CDH18: variants seen among roughly 807,000 people sequenced by gnomAD.
The protein encoded by CDH18 is cadherin 18.
Under a neutral mutation model 67.9 loss-of-function variants are expected in CDH18, and 31 were observed. That is an observed-to-expected ratio of 0.46 (90% CI 0.34 to 0.62). The LOEUF is 0.62. Among genes scored for constraint, CDH18 ranks in the 20% least tolerant of loss-of-function variants. CDH18 has a pLI of 0.01. For missense variants in CDH18, 890 were observed against 975.5 expected, an observed-to-expected ratio of 0.91 and a Z score of 1.17; for synonymous variants, 362 against 347.2, an observed-to-expected ratio of 1.04 and a Z score of -0.48.
rs60246535 is a variant in CDH18, at chr5:20,329,768, C to CAAAAA, written c.-579-74268_-579-74264dup. Among the ~76,000 whole-genome samples, 45 of 62,548 alleles carry CAAAAA rather than the reference C, an allele frequency of 7.2e-4. 2 individuals carry two copies. The highest frequency in any genetic ancestry group is 1.7e-3 in the African/African-American group (27 of 16,104). The allele number at this position is 62,548 out of a possible 152,430, so 41.0% of individuals were successfully genotyped here. On this transcript the variant is annotated intron_variant, in intron 1 of 14. Coordinates refer to the CDH18 transcript ENST00000507958. Reference sequence around the variant, plus strand: ...CTGGGCAACAAGAGCGAAACTCCATCAAAAAAAAAAAAAAAAAAAAAAAAA... The same window carrying CAAAAA: ...CTGGGCAACAAGAGCGAAACTCCATCAAAAAAAAAAAAAAAAAAAAAAAAAAAAAA...
At chr5:19,704,608 T>C (rs1763706714) in intron 5 of CDH18, among the ~76,000 whole-genome samples, 1 of 152,144 alleles carries the variant, frequency 6.6e-6, no homozygotes, top group Non-Finnish European at 1.5e-5. Flanking sequence ...GATATTATTT[T>C]TGATGGCAGC....
intron 2 of CDH18, among the ~76,000 whole-genome samples, chr5:20,065,458 A>C (rs995987193): frequency 6.6e-6 from 1 of 152,050 alleles, no homozygotes; most frequent in African/African-American, 2.4e-5. Flanking sequence ...GGCGAAGGGT[A>C]ATAGAAATTC....
intron 10 of CDH18, among the ~76,000 whole-genome samples, chr5:19,516,080 A>C (rs551989171): frequency 4.9e-4 from 74 of 152,194 alleles, no homozygotes; most frequent in Non-Finnish European, 1.0e-3. Context: ...ATTTTGTCAA[A>C]GGCCTTTCTG....
intron 2 of CDH18, among the ~76,000 whole-genome samples, chr5:20,136,112 T>C (rs1165370026): frequency 6.6e-6 from 1 of 152,230 alleles, no homozygotes; most frequent in Non-Finnish European, 1.5e-5. Flanking sequence ...TTAGGTCTGC[T>C]TATTGCAGAG....
intron 1 of CDH18, among the ~76,000 whole-genome samples, chr5:20,267,797 A>G (rs1170697377): frequency 6.6e-6 from 1 of 152,196 alleles, no homozygotes; most frequent in Non-Finnish European, 1.5e-5. Context: ...TCAATTTTAT[A>G]TAATTTCAAC....
At chr5:20,442,950 C>T (rs549374395) in intron 1 of CDH18, among the ~76,000 whole-genome samples, 2 of 151,826 alleles carry the variant, frequency 1.3e-5, no homozygotes, top group Non-Finnish European at 1.5e-5. Flanking sequence ...TGGCTCACGC[C>T]TGTAATCCCA....
intron 3 of CDH18, among the ~76,000 whole-genome samples, chr5:19,808,715 C>T (rs376940979): frequency 2.0e-5 from 3 of 150,692 alleles, no homozygotes; most frequent in East Asian, 3.9e-4. Context: ...CCTGTGATCC[C>T]AGCTACTTGG....
At chr5:19,793,032 C>T (rs1015125618) in intron 3 of CDH18, among the ~76,000 whole-genome samples, 4 of 152,080 alleles carry the variant, frequency 2.6e-5, no homozygotes, top group African/African-American at 9.7e-5. Flanking sequence ...TAGAGTCTGA[C>T]CCTGGGTAAT....
chr5:20,108,240 C>T (rs1048213794), intron 2 of CDH18, among the ~76,000 whole-genome samples: 14 of 150,530 alleles, frequency 9.3e-5, no homozygotes, highest in East Asian at 5.8e-4. Flanking sequence ...CCACCACGCC[C>T]GGCTAATTTT....
intron 2 of CDH18, among the ~76,000 whole-genome samples, chr5:19,904,318 AG>A (rs1285450775): frequency 1.4e-5 from 2 of 143,198 alleles, no homozygotes; most frequent in Admixed American, 1.4e-4. Context: ...AAAAACGAAA[AG>A]AAAAGAAAAG....
At chr5:20,397,421 C>T (rs1045878993) in intron 1 of CDH18, among the ~76,000 whole-genome samples, 32 of 152,202 alleles carry the variant, frequency 2.1e-4, no homozygotes, top group Admixed American at 4.6e-4. Flanking sequence ...CATGAGACAC[C>T]GTGCCCGGCC....
chr5:19,482,673 T>C (rs1425776757), intron 12 of CDH18, among the ~76,000 whole-genome samples: 1 of 152,212 alleles, frequency 6.6e-6, no homozygotes, highest in African/African-American at 2.4e-5. Context: ...TTCACTATTA[T>C]TACACAGTGA....
intron 2 of CDH18, among the ~76,000 whole-genome samples, chr5:19,973,102 T>C (rs1289699373): frequency 6.6e-6 from 1 of 151,908 alleles, no homozygotes; most frequent in African/African-American, 2.4e-5. Context: ...GGAATGAAAA[T>C]GCATAAACAA....
chr5:20,160,003 TG>T (rs1751851315), intron 2 of CDH18, among the ~76,000 whole-genome samples: 1 of 152,166 alleles, frequency 6.6e-6, no homozygotes, highest in Non-Finnish European at 1.5e-5. Context: ...AAAAAATTTT[TG>T]CTATGTTGTT....
At chr5:20,062,891 T>G (rs972708704) in intron 2 of CDH18, among the ~76,000 whole-genome samples, 2 of 152,106 alleles carry the variant, frequency 1.3e-5, no homozygotes, top group African/African-American at 4.8e-5. Flanking sequence ...TGTTCTCAAT[T>G]TATTGTTGTA....
chr5:19,763,666 C>T (rs1367249077), intron 3 of CDH18, among the ~76,000 whole-genome samples: 1 of 152,040 alleles, frequency 6.6e-6, no homozygotes, highest in African/African-American at 2.4e-5. Context: ...ACAAAGTTGG[C>T]ATTTGGAGCA....
intron 2 of CDH18, among the ~76,000 whole-genome samples, chr5:20,244,011 C>G (rs1580567446): frequency 6.6e-6 from 1 of 151,892 alleles, no homozygotes; most frequent in African/African-American, 2.4e-5. Context: ...TTTTGACATT[C>G]CTGAGTTAAA....
intron 1 of CDH18, among the ~76,000 whole-genome samples, chr5:20,476,354 A>C (rs1581072478): frequency 6.6e-6 from 1 of 151,916 alleles, no homozygotes; most frequent in Non-Finnish European, 1.5e-5. Context: ...TTTGAAAAAA[A>C]AAAAGCCTGA....
At chr5:20,546,021 C>CTA (rs1319248566) in intron 1 of CDH18, among the ~76,000 whole-genome samples, 1 of 152,158 alleles carries the variant, frequency 6.6e-6, no homozygotes, top group African/African-American at 2.4e-5. Flanking sequence ...ATTTCTTCCA[C>CTA]TAGATACACT....
Sources: allele counts gnomAD v4.1 joint callset (sites outside exome capture counted in the v4.1 genomes callset), GRCh38; gene constraint gnomAD v4.1.1; transcripts MANE v1.5; gene names NCBI Gene and HGNC (gene_info 2026-07-23, HGNC 2026-07-21).